NGLY1: variants seen among roughly 807,000 people sequenced by gnomAD.
NGLY1 encodes the protein peptide-N(4)-(N-acetyl-beta-glucosaminyl)asparagine amidase.
Under a neutral mutation model 84.6 loss-of-function variants are expected in NGLY1, and 68 were observed. The ratio of observed to expected loss-of-function variants is 0.80; its 90% CI spans 0.66 to 0.98. The LOEUF (loss-of-function observed/expected upper bound fraction) is 0.98, where lower values mean the gene tolerates loss of function less well. NGLY1 is among the 50% of genes least tolerant of loss of function. The pLI, the probability that NGLY1 is intolerant of heterozygous loss-of-function variation, is 0.00. For synonymous variants in NGLY1, 280 were observed against 275.2 expected, an observed-to-expected ratio of 1.02 and a Z score of -0.17; for missense variants, 779 against 770.2, an observed-to-expected ratio of 1.01 and a Z score of -0.14.
At position 25,719,302 on chromosome 3, in the gene NGLY1, A is replaced by G. The variant is rs1036952692; in HGVS notation, c.*158T>C. Reference sequence around the variant, plus strand: ...TTAATTCAATATTTTATTATAGTCCACGTATAAAGATAATTTTCATGAGGG... The same window carrying G: ...TTAATTCAATATTTTATTATAGTCCGCGTATAAAGATAATTTTCATGAGGG... On this transcript the variant is annotated 3_prime_UTR_variant, in exon 12 of 12. Transcript: ENST00000280700. 5.9e-6 allele frequency: 3 copies of G among 510,758 alleles called. No homozygotes were observed. The highest frequency in any genetic ancestry group is 1.1e-5 in the Non-Finnish European group (3 of 284,780). The allele number at this position is 510,758 out of a possible 1,614,324, so 31.6% of individuals were successfully genotyped here.
chr3:25,747,329 T>C (rs1706486238), intron 4 of NGLY1, among the ~76,000 whole-genome samples: 2 of 152,116 alleles, frequency 1.3e-5, no homozygotes, highest in Admixed American at 6.5e-5. Flanking sequence ...TAATCACATA[T>C]TAATAAACAT....
intron 9 of NGLY1, among the ~76,000 whole-genome samples, chr3:25,730,986 AC>A (rs1310176440): frequency 1.1e-4 from 16 of 152,100 alleles, no homozygotes; most frequent in African/African-American, 3.9e-4. Context: ...AATGCCTGTT[AC>A]AAAGCCTAGC....
At position 25,736,158 on chromosome 3, in the gene NGLY1, G is replaced by A. The variant is rs1319678212; in HGVS notation, c.1004-9C>T. On this transcript the variant is annotated splice_polypyrimidine_tract_variant and intron_variant, in intron 6 of 11. Transcript: ENST00000280700. The stretch of plus-strand genomic sequence containing the variant: ...TTCTGTCCAGACATGGTCTACTCAA[G>A]TAAGAGAAAAGAGAGCAATGGAAAA... 3.1e-6 allele frequency: 5 copies of A among 1,609,254 alleles called. No individual in the cohort carries two copies. Among genetic ancestry groups the A allele is most frequent in the Non-Finnish European group, 4.2e-6 (5 of 1,178,132 alleles).
intron 2 of NGLY1, among the ~76,000 whole-genome samples, chr3:25,771,574 A>G (rs888328504): frequency 1.3e-5 from 2 of 151,958 alleles, no homozygotes; most frequent in African/African-American, 4.8e-5. Flanking sequence ...GAGAATGATG[A>G]TGGTATTTTG....
chr3:25,789,502 TTA>T (rs897323177), intron 1 of NGLY1, among the ~76,000 whole-genome samples: 1 of 152,146 alleles, frequency 6.6e-6, no homozygotes, highest in Admixed American at 6.5e-5. Context: ...CTTTAAAGAA[TTA>T]TTTTTGAAAA....
chr3:25,770,387 G>T (rs1707834731), intron 2 of NGLY1, among the ~76,000 whole-genome samples: 1 of 152,122 alleles, frequency 6.6e-6, no homozygotes, highest in Non-Finnish European at 1.5e-5. Context: ...GACCTCGGGT[G>T]ATCCACCCAC....
intron 2 of NGLY1, among the ~76,000 whole-genome samples, chr3:25,769,967 C>T (rs1707814746): frequency 1.3e-5 from 2 of 152,090 alleles, no homozygotes; most frequent in South Asian, 4.1e-4. Context: ...TCCCCAGAGT[C>T]CACTGTATGA....
At chr3:25,740,925 G>C (rs1338867167) in intron 4 of NGLY1, among the ~76,000 whole-genome samples, 1 of 151,800 alleles carries the variant, frequency 6.6e-6, no homozygotes, top group African/African-American at 2.4e-5. Flanking sequence ...TCAGGAGTTC[G>C]AGACCAGCCT....
rs188222249 is a variant in NGLY1 at position 25,759,656 on chromosome 3, T to C, written c.492+4410A>G. On this transcript the variant is annotated intron_variant, in intron 3 of 11. Coordinates refer to ENST00000280700, the MANE Select transcript of NGLY1 (RefSeq NM_018297.4). ...GGTGATTACAGCAGCTGGGTAACCATGTACTAATGCTACATAAGGCAGCAG... is the reference window on the plus strand; with the variant it reads ...GGTGATTACAGCAGCTGGGTAACCACGTACTAATGCTACATAAGGCAGCAG... 4.0e-3 allele frequency among the ~76,000 whole-genome samples: 612 copies of C among 152,288 alleles called. 3 individuals carry two copies. The highest frequency in any genetic ancestry group is 7.4e-3 in the Non-Finnish European group (502 of 68,020).
At chr3:25,725,556 G>A (rs1290682608) in intron 10 of NGLY1, among the ~76,000 whole-genome samples, 1 of 152,162 alleles carries the variant, frequency 6.6e-6, no homozygotes, top group African/African-American at 2.4e-5. Flanking sequence ...AAGTGGGGAG[G>A]GGAGAGTCTT....
intron 2 of NGLY1, among the ~76,000 whole-genome samples, chr3:25,774,708 A>T (rs1708073784): frequency 6.6e-6 from 1 of 152,070 alleles, no homozygotes; most frequent in African/African-American, 2.4e-5. Flanking sequence ...CCCAGGCTAC[A>T]AGTCTCCCCA....
Position 25,783,030 on chromosome 3 carries a change from G to A in NGLY1, c.131+230C>T. 4.0e-6 allele frequency: 2 copies of A among 499,524 alleles called. No individual in the cohort carries two copies. The highest frequency in any genetic ancestry group is 2.4e-5 in the South Asian group (1 of 42,232). 30.9% of individuals were successfully genotyped at this position (499,524 alleles called of 1,614,324 possible). ...GCAGCACCCTGACTGCAGGTGCCAA[G>A]TCACAACTGCAAAGAAACTTCCTTT... is the stretch of plus-strand genomic sequence containing the variant. On this transcript the variant is annotated intron_variant, in intron 1 of 11. Coordinates refer to ENST00000280700, the MANE Select transcript of NGLY1 (RefSeq NM_018297.4). This position sits in a 1 kb window ranked among gnomAD's most constrained non-coding sequence, Gnocchi z 4.5.
chr3:25,784,008 A>G (rs769329712), upstream of NGLY1: 1 of 152,244 alleles, frequency 6.6e-6, no homozygotes, highest in African/African-American at 2.4e-5. Context: ...GAGAAACCGC[A>G]TGTACCTCCC....
At chr3:25,785,097 G>A (rs1209911007), upstream of NGLY1, among the ~76,000 whole-genome samples, 2 of 130,696 alleles carry the variant, frequency 1.5e-5, no homozygotes, top group Non-Finnish European at 3.1e-5. Flanking sequence ...TTATGTTCTA[G>A]TGAAATTTTA....
intron 3 of NGLY1, among the ~76,000 whole-genome samples, chr3:25,759,836 G>C (rs1325691682): frequency 1.3e-5 from 2 of 151,484 alleles, no homozygotes; most frequent in African/African-American, 4.8e-5. Flanking sequence ...TAAGAAAAAA[G>C]TACAATGTGT....
intron 3 of NGLY1, chr3:25,754,847 G>A: frequency 1.7e-6 from 1 of 595,594 alleles, no homozygotes; most frequent in Non-Finnish European, 3.0e-6. Flanking sequence ...CTTGCAGCAG[G>A]AGAAAAACCA....
intron 3 of NGLY1, among the ~76,000 whole-genome samples, chr3:25,761,753 T>C (rs781480035): frequency 2.6e-5 from 4 of 152,206 alleles, no homozygotes; most frequent in Admixed American, 1.3e-4. Context: ...AAAATTTGTA[T>C]GTGAATGTTC....
chr3:25,748,885 C>A (rs1706577547), intron 4 of NGLY1, among the ~76,000 whole-genome samples: 1 of 151,500 alleles, frequency 6.6e-6, no homozygotes, highest in Non-Finnish European at 1.5e-5. Flanking sequence ...GATTAAACTG[C>A]AAATGCGTAT....
chr3:25,728,863 G>A (rs985511954), intron 10 of NGLY1, among the ~76,000 whole-genome samples: 1 of 151,802 alleles, frequency 6.6e-6, no homozygotes, highest in Non-Finnish European at 1.5e-5. Flanking sequence ...CAGTCATATG[G>A]ATTGATCATA....
Sources: allele counts gnomAD v4.1 joint callset (sites outside exome capture counted in the v4.1 genomes callset), GRCh38; gene constraint gnomAD v4.1.1; non-coding constraint Gnocchi (gnomAD v3.1); transcripts MANE v1.5; gene names NCBI Gene and HGNC (gene_info 2026-07-23, HGNC 2026-07-21).